Variants in ADGRL2 observed in about 807,000 individuals in gnomAD.
ADGRL2 encodes the protein adhesion G protein-coupled receptor L2, also known as calcium-independent alpha-latrotoxin receptor 2.
ADGRL2 carries 44 observed loss-of-function variants against 157.4 expected under a neutral mutation model. The ratio of observed to expected loss-of-function variants is 0.28; its 90% CI spans 0.22 to 0.36. The LOEUF (loss-of-function observed/expected upper bound fraction) is 0.36, where lower values mean the gene tolerates loss of function less well. ADGRL2 is among the 10% of genes least tolerant of loss of function. ADGRL2 has a pLI of 1.00. For missense variants in ADGRL2, 1,510 were observed against 1,768.9 expected (o/e 0.85, Z 2.63); for synonymous variants, 585 against 624.7 (o/e 0.94, Z 0.95).
chr1:81,339,846 T>G (rs1661940547), intron 1 of ADGRL2, among the ~76,000 whole-genome samples: 1 of 152,232 alleles, frequency 6.6e-6, no homozygotes, highest in African/African-American at 2.4e-5. Context: ...TCCAAACTTT[T>G]CTTCTGGTTT....
intron 2 of ADGRL2, among the ~76,000 whole-genome samples, chr1:81,762,309 G>A (rs948742386): frequency 3.9e-5 from 6 of 152,116 alleles, no homozygotes; most frequent in African/African-American, 1.4e-4. Flanking sequence ...TGCAGCATCT[G>A]TGAATTTTAA....
chr1:81,354,288 C>T (rs1663121543), intron 1 of ADGRL2, among the ~76,000 whole-genome samples: 1 of 152,182 alleles, frequency 6.6e-6, no homozygotes, highest in African/African-American at 2.4e-5. Context: ...CTCAAGGACA[C>T]TTAACTAGTT....
At chr1:81,851,752 G>GTGTGTGTGTGTT (rs1553168881) in intron 2 of ADGRL2, among the ~76,000 whole-genome samples, 1 of 151,246 alleles carries the variant, frequency 6.6e-6, no homozygotes, top group Non-Finnish European at 1.5e-5. Flanking sequence ...GTGTGTGTGT[G>GTGTGTGTGTGTT]TGTGTGTGTG....
intron 1 of ADGRL2, among the ~76,000 whole-genome samples, chr1:81,391,447 G>A (rs1262144995): frequency 6.6e-6 from 1 of 152,306 alleles, no homozygotes; most frequent in Non-Finnish European, 1.5e-5. Flanking sequence ...TGCAGGAACT[G>A]TTTTCTGTAG....
chr1:81,883,571 T>A (rs2094043881), intron 2 of ADGRL2, among the ~76,000 whole-genome samples: 1 of 152,202 alleles, frequency 6.6e-6, no homozygotes, highest in Non-Finnish European at 1.5e-5. Flanking sequence ...ATAAATTTCA[T>A]ACCATGAGAT....
rs2078447321 is a variant in ADGRL2 at position 81,484,035 on chromosome 1, G to A, written c.-248+38946G>A. On this transcript the variant is annotated intron_variant, in intron 2 of 24. Transcript: ENST00000370721. ...GGTTTTCATGTTTTAAACTGTGTAA[G>A]TCTTCATTATAAAGAGACCAGCTCC... 3.3e-5 allele frequency among the ~76,000 whole-genome samples: 5 copies of A among 152,020 alleles called. No homozygotes were observed. In the South Asian group the frequency reaches 1.0e-3, roughly 32 times the overall value.
In ADGRL2 at chr1:81,747,147, A is replaced by G. The variant is rs1187324712; in HGVS notation, c.-142-14664A>G. On this transcript the variant is annotated intron_variant, in intron 1 of 20. Transcript: ENST00000359929. ...TATATATGTATATATGTATACATAT[A>G]TACGTATATATGTATGTGTGTATAT... 5.7e-5 allele frequency among the ~76,000 whole-genome samples: 8 copies of G among 139,922 alleles called. No individual in the cohort carries two copies. In the East Asian group the frequency reaches 1.4e-3, roughly 25 times the overall value. 91.8% of individuals were successfully genotyped at this position (139,922 alleles called of 152,430 possible). A position where few individuals can be genotyped will look rare whatever the true frequency, so the allele number is the denominator to read the frequency against.
intron 3 of ADGRL2, among the ~76,000 whole-genome samples, chr1:81,933,170 A>G (rs1395764063): frequency 6.6e-6 from 1 of 152,210 alleles, no homozygotes; most frequent in African/African-American, 2.4e-5. Context: ...AATATATTCT[A>G]GTATCTGCTT....
intron 2 of ADGRL2, among the ~76,000 whole-genome samples, chr1:81,846,852 A>G (rs1031074255): frequency 2.6e-5 from 4 of 152,066 alleles, no homozygotes; most frequent in Non-Finnish European, 1.5e-5. Flanking sequence ...GTTGGATTTT[A>G]AGAGGCTACT....
intron 1 of ADGRL2, among the ~76,000 whole-genome samples, chr1:81,372,451 C>A (rs2076176475): frequency 6.6e-6 from 1 of 152,136 alleles, no homozygotes; most frequent in African/African-American, 2.4e-5. Context: ...CTCATTTGTA[C>A]CCTCATGCCC....
intron 1 of ADGRL2, among the ~76,000 whole-genome samples, chr1:81,378,209 A>G (rs1218841587): frequency 6.6e-6 from 1 of 151,890 alleles, no homozygotes; most frequent in East Asian, 1.9e-4. Flanking sequence ...ACAATGGTTC[A>G]CAATACCTAC....
At chr1:81,461,353 T>A (rs1051490556) in intron 2 of ADGRL2, among the ~76,000 whole-genome samples, 5 of 151,968 alleles carry the variant, frequency 3.3e-5, no homozygotes, top group African/African-American at 9.7e-5. Context: ...ACATATCAGA[T>A]GTTTGTAGTA....
At chr1:81,339,496 C>T (rs913606806) in intron 1 of ADGRL2, among the ~76,000 whole-genome samples, 1 of 150,326 alleles carries the variant, frequency 6.7e-6, no homozygotes, top group South Asian at 2.1e-4. Context: ...CAGTTCCTAC[C>T]ACAGTGCCTA....
intron 2 of ADGRL2, among the ~76,000 whole-genome samples, chr1:81,527,659 C>T (rs984993637): frequency 6.6e-6 from 1 of 151,718 alleles, no homozygotes; most frequent in Non-Finnish European, 1.5e-5. Flanking sequence ...TTGCAGTGAG[C>T]CAAGATCGCG....
At chr1:81,863,880 T>C (rs989992568) in intron 2 of ADGRL2, among the ~76,000 whole-genome samples, 1 of 152,210 alleles carries the variant, frequency 6.6e-6, no homozygotes, top group Non-Finnish European at 1.5e-5. Flanking sequence ...AATTCCTTAG[T>C]ACCAAGAGTT....
chr1:81,919,292 T>TAAATGCTTGG (rs1453383006), intron 3 of ADGRL2, among the ~76,000 whole-genome samples: 2 of 152,140 alleles, frequency 1.3e-5, no homozygotes, highest in Non-Finnish European at 1.5e-5. Context: ...TTATGTTAAA[T>TAAATGCTTGG]AAATGCTTGG....
intron 1 of ADGRL2, among the ~76,000 whole-genome samples, chr1:81,368,955 T>A (rs76436212): frequency 0.12 from 18,852 of 152,160 alleles, 1,345 homozygotes; most frequent in African/African-American, 0.17. Context: ...GGAAGACAAT[T>A]TCCTCCTCCT....
At chr1:81,777,522 G>A (rs1014402886) in intron 2 of ADGRL2, among the ~76,000 whole-genome samples, 3 of 152,202 alleles carry the variant, frequency 2.0e-5, no homozygotes, top group African/African-American at 4.8e-5. Flanking sequence ...TGTAATCCCA[G>A]CACTTTGGGA....
At chr1:81,843,374 A>T (rs999248514) in intron 2 of ADGRL2, among the ~76,000 whole-genome samples, 4 of 152,230 alleles carry the variant, frequency 2.6e-5, no homozygotes, top group African/African-American at 9.6e-5. Flanking sequence ...CTTGTGATCT[A>T]CTTGCCTTGG....
Sources: gnomAD v4.1 joint callset for allele counts (sites outside exome capture counted in the v4.1 genomes callset) on GRCh38, gnomAD v4.1.1 for gene constraint, MANE v1.5 for transcripts, NCBI Gene and HGNC (gene_info 2026-07-23, HGNC 2026-07-21) for gene names.